The following EML6 variants were observed in gnomAD, a reference collection of about 807,000 sequenced individuals.
EML6 encodes the protein EMAP like 6.
EML6 carries 154 observed loss-of-function variants against 240.1 expected under a neutral mutation model. The ratio of observed to expected loss-of-function variants is 0.64; its 90% CI spans 0.56 to 0.73. The LOEUF is 0.73. Among genes scored for constraint, EML6 ranks in the 30% least tolerant of loss-of-function variants. The pLI is 0.00. For missense variants in EML6, 2,964 were observed against 2,474.6 expected (o/e 1.20, Z -4.20); for synonymous variants, 1,148 against 899.0 (o/e 1.28, Z -4.95).
At chr2:54,949,731 C>G (rs1393643331) in intron 29 of EML6, among the ~76,000 whole-genome samples, 2 of 152,180 alleles carry the variant, frequency 1.3e-5, no homozygotes, top group African/African-American at 4.8e-5. Context: ...GTTTCAAAAC[C>G]TTACCCAGAG....
chr2:54,962,808 C>T (rs182828363), intron 36 of EML6, 97 bp downstream of exon 36: 16 of 1,016,044 alleles, frequency 1.6e-5, no homozygotes, highest in Admixed American at 1.2e-4. Flanking sequence ...ATGGCAGAGA[C>T]GGGGATGGGG....
chr2:54,939,694 C>A (rs952250334), intron 28 of EML6, among the ~76,000 whole-genome samples: 1 of 152,164 alleles, frequency 6.6e-6, no homozygotes, highest in African/African-American at 2.4e-5. Context: ...CTCTCTTGAC[C>A]CTCCCTCCAG....
rs187616249 is a variant in EML6 at position 54,767,294 on chromosome 2, A to C, written c.197+42036A>C. Among the ~76,000 whole-genome samples the C allele has an allele frequency of 2.7e-3, 412 of 152,326 alleles. 1 individual carries two copies. The highest frequency in any genetic ancestry group is 4.2e-3 in the Non-Finnish European group (284 of 68,032). On this transcript the variant is annotated intron_variant, in intron 2 of 41. Coordinates refer to ENST00000356458, the MANE Select transcript of EML6 (RefSeq NM_001039753.4). ...AAGAAGAACCTACAGCCAGGGAAAA[A>C]ATGCCTAGATTCTAATGCATCAACA...
intron 25 of EML6, 60 bp from the exon 26 acceptor site, chr2:54,916,699 T>A (rs957536430): frequency 7.4e-7 from 1 of 1,355,984 alleles, no homozygotes; most frequent in Non-Finnish European, 9.9e-7. Flanking sequence ...GCAAACTGTT[T>A]CTTTTAAATA....
intron 10 of EML6, among the ~76,000 whole-genome samples, chr2:54,852,917 C>T (rs1211825023): frequency 6.6e-6 from 1 of 152,212 alleles, no homozygotes; most frequent in East Asian, 1.9e-4. Context: ...CATCCCTGAC[C>T]TGCTGTGGTG....
At chr2:54,781,825 A>G (rs764943011) in intron 2 of EML6, among the ~76,000 whole-genome samples, 4 of 152,092 alleles carry the variant, frequency 2.6e-5, no homozygotes, top group Admixed American at 6.6e-5. Flanking sequence ...ACATGCTGCC[A>G]CGTCCCACTA....
At chr2:54,902,573 A>AT (rs150248820) in intron 22 of EML6, among the ~76,000 whole-genome samples, 27,748 of 151,904 alleles carry the variant, frequency 0.18, 3,158 homozygotes, top group African/African-American at 0.32. Flanking sequence ...TAATTTTTGT[A>AT]TTTTTTGTAG....
chr2:54,894,381 T>G (rs969821131), intron 19 of EML6, among the ~76,000 whole-genome samples: 4 of 152,244 alleles, frequency 2.6e-5, no homozygotes, highest in African/African-American at 7.2e-5. Context: ...ATCTGGATTT[T>G]AATTATGGAA....
At chr2:54,912,417 C>G (rs1673690382) in intron 25 of EML6, among the ~76,000 whole-genome samples, 1 of 151,918 alleles carries the variant, frequency 6.6e-6, no homozygotes, top group Admixed American at 6.6e-5. Context: ...ATTTTAATTT[C>G]AGCTTTGATT....
intron 16 of EML6, among the ~76,000 whole-genome samples, chr2:54,877,058 C>T (rs540377142): frequency 3.3e-5 from 5 of 151,936 alleles, no homozygotes; most frequent in South Asian, 4.2e-4. Context: ...TCATGGCTCA[C>T]TGCAGCCTGG....
chr2:54,788,952 C>T (rs1572897801), intron 2 of EML6, among the ~76,000 whole-genome samples: 1 of 152,174 alleles, frequency 6.6e-6, no homozygotes, highest in Non-Finnish European at 1.5e-5. Flanking sequence ...TTTCTATTCC[C>T]TTCTCCATCC....
chr2:54,964,140 C>T lies in EML6; in HGVS notation c.5312C>T (p.Ser1771Phe). The T allele has an allele frequency of 6.4e-7, 1 of 1,551,616 alleles. No homozygotes were observed. The highest frequency in any genetic ancestry group is 8.7e-7 in the Non-Finnish European group (1 of 1,146,958). The change falls in exon 37 of 42, where the codon TCT becomes TTT. Residue 1771 changes from serine to phenylalanine, a missense_variant. Physicochemically the swap from Ser to Phe is radical, Grantham distance 155. Coordinates refer to ENST00000356458, the MANE Select transcript of EML6 (RefSeq NM_001039753.4). ...TGGGGGAAAAAACGAGACCGGAAATCTGCTATCCAAGATATCAGGTACCTA... is the reference window on the plus strand; with the variant it reads ...TGGGGGAAAAAACGAGACCGGAAATTTGCTATCCAAGATATCAGGTACCTA... ...KVWGKKRDRKSAIQDIRISPD... is the reference protein window; with the variant it reads ...KVWGKKRDRKFAIQDIRISPD...
intron 2 of EML6, among the ~76,000 whole-genome samples, chr2:54,785,604 A>C (rs1214291302): frequency 6.6e-6 from 1 of 152,136 alleles, no homozygotes; most frequent in East Asian, 1.9e-4. Flanking sequence ...GCATCTTTAT[A>C]TGTGTTTACA....
chr2:54,810,337 C>A (rs1667772133), intron 2 of EML6, among the ~76,000 whole-genome samples: 1 of 152,192 alleles, frequency 6.6e-6, no homozygotes, highest in African/African-American at 2.4e-5. Flanking sequence ...TGGGGTAGCA[C>A]TGCTTATTGA....
chr2:54,894,051 T>G (rs1361989544), intron 19 of EML6, among the ~76,000 whole-genome samples: 2 of 152,134 alleles, frequency 1.3e-5, no homozygotes, highest in African/African-American at 4.8e-5. Flanking sequence ...TAATTTAATT[T>G]GGGGATTGAA....
chr2:54,734,305 T>C (rs1024390311), intron 2 of EML6, among the ~76,000 whole-genome samples: 1 of 152,232 alleles, frequency 6.6e-6, no homozygotes, highest in African/African-American at 2.4e-5. Flanking sequence ...ACCACTGCAC[T>C]CTAGCCTGGG....
At chr2:54,784,492 T>G (rs1019043191) in intron 2 of EML6, among the ~76,000 whole-genome samples, 12 of 152,304 alleles carry the variant, frequency 7.9e-5, no homozygotes, top group African/African-American at 2.9e-4. Flanking sequence ...TTTGCCAATA[T>G]TGGGTGTTAC....
chr2:54,885,264 G>T (rs1394978806), intron 17 of EML6, among the ~76,000 whole-genome samples: 2 of 151,960 alleles, frequency 1.3e-5, no homozygotes, highest in Non-Finnish European at 2.9e-5. Flanking sequence ...GACCAACATG[G>T]TAAAACCACC....
At chr2:54,909,673 C>T (rs1422085448) in intron 24 of EML6, among the ~76,000 whole-genome samples, 1 of 152,010 alleles carries the variant, frequency 6.6e-6, no homozygotes, top group Non-Finnish European at 1.5e-5. Context: ...TGATGACTCT[C>T]TGTCTCTACT....
Sources: allele counts gnomAD v4.1 joint callset (sites outside exome capture counted in the v4.1 genomes callset), GRCh38; gene constraint gnomAD v4.1.1; transcripts MANE v1.5; gene names NCBI Gene and HGNC (gene_info 2026-07-23, HGNC 2026-07-21).